MFAP3: variants seen among roughly 807,000 people sequenced by gnomAD.
MFAP3 encodes microfibril associated protein 3, also known as microfibril-associated glycoprotein 3.
MFAP3 carries 8 observed loss-of-function variants against 20.5 expected under a neutral mutation model. The observed-to-expected ratio is 0.39, with a 90% CI of 0.23 to 0.70. MFAP3 has a LOEUF of 0.70. Among genes scored for constraint, MFAP3 ranks in the 30% least tolerant of loss-of-function variants. MFAP3 has a pLI of 0.44. For missense variants in MFAP3, 398 were observed against 444.6 expected (o/e 0.90, Z 0.94); for synonymous variants, 140 against 154.0 (o/e 0.91, Z 0.67).
intron 1 of MFAP3, among the ~76,000 whole-genome samples, chr5:154,045,654 A>G (rs1039069176): frequency 1.3e-5 from 2 of 152,216 alleles, no homozygotes; most frequent in African/African-American, 4.8e-5. Flanking sequence ...AGACTTTGCA[A>G]TAATCCTGTG....
Position 154,049,692 on chromosome 5 carries a change from A to C in MFAP3, c.-31A>C. ...TAGTGTAGAAGTTTTTGAGTTCTCC[A>C]AATCTAAACAAGATTTTGTCCCATT... On this transcript the variant is annotated 5_prime_UTR_variant, in exon 2 of 3. Coordinates refer to ENST00000522782, the MANE Select transcript of MFAP3 (RefSeq NM_005927.5). The C allele has an allele frequency of 6.3e-7, 1 of 1,592,736 alleles. No individual in the cohort carries two copies. Among genetic ancestry groups the C allele is most frequent in the Non-Finnish European group, 8.6e-7 (1 of 1,167,920 alleles).
chr5:154,043,669 T>C (rs2113556370), intron 1 of MFAP3, among the ~76,000 whole-genome samples: 1 of 152,240 alleles, frequency 6.6e-6, no homozygotes, highest in East Asian at 1.9e-4. Flanking sequence ...TGGTTTTCCT[T>C]TTTGAAATCT....
chr5:154,041,938 C>G (rs752446586), intron 1 of MFAP3, among the ~76,000 whole-genome samples: 18 of 152,162 alleles, frequency 1.2e-4, no homozygotes, highest in Non-Finnish European at 2.6e-4. Context: ...GATGCAGTTA[C>G]TGTTAATATT....
intron 1 of MFAP3, among the ~76,000 whole-genome samples, chr5:154,041,294 G>A (rs968026076): frequency 6.6e-6 from 1 of 152,226 alleles, no homozygotes; most frequent in African/African-American, 2.4e-5. Context: ...AACTAGTAAG[G>A]TGAAAAGTTA....
At chr5:154,050,725 G>T (rs1405108063) in intron 2 of MFAP3, among the ~76,000 whole-genome samples, 1 of 150,416 alleles carries the variant, frequency 6.6e-6, no homozygotes, top group Non-Finnish European at 1.5e-5. Flanking sequence ...TGTGTTCAAG[G>T]TCTACTTTTT....
intron 1 of MFAP3, among the ~76,000 whole-genome samples, chr5:154,043,120 G>A (rs1434560752): frequency 6.6e-6 from 1 of 152,100 alleles, no homozygotes; most frequent in Non-Finnish European, 1.5e-5. Context: ...GTTTTCTGGG[G>A]TAAAATCATC....
At chr5:154,048,388 C>T (rs1056034623) in intron 1 of MFAP3, among the ~76,000 whole-genome samples, 1 of 152,102 alleles carries the variant, frequency 6.6e-6, no homozygotes, top group African/African-American at 2.4e-5. Flanking sequence ...AATTAAATGA[C>T]ATTTGCACCG....
Position 154,053,797 on chromosome 5 carries a change from C to A in MFAP3, c.*84C>A. On this transcript the variant is annotated 3_prime_UTR_variant, in exon 3 of 3. Transcript: ENST00000522782. ...TTTCTTAGAAGAAGTAACATTTTTG[C>A]CAAAAGATGACTGGGGTTTTCCGTT... The A allele has an allele frequency of 7.6e-7, 1 of 1,313,838 alleles. No individual in the cohort carries two copies. The highest frequency in any genetic ancestry group is 1.1e-6 in the Non-Finnish European group (1 of 952,230). 81.4% of individuals were successfully genotyped at this position (1,313,838 alleles called of 1,614,324 possible). A position where few individuals can be genotyped will look rare whatever the true frequency, so the allele number is the denominator to read the frequency against.
chr5:154,040,362 AT>A (rs1772900561), intron 1 of MFAP3, among the ~76,000 whole-genome samples: 1 of 152,228 alleles, frequency 6.6e-6, no homozygotes, highest in South Asian at 2.1e-4. Context: ...ATTGTTTTAC[AT>A]TGTTACAAAT....
At position 154,053,586 on chromosome 5, in the gene MFAP3, A is replaced by G. The variant is rs1214255188; in HGVS notation, c.962A>G (p.Gln321Arg). The G allele has an allele frequency of 6.2e-7, 1 of 1,614,012 alleles. No individual in the cohort carries two copies. Among genetic ancestry groups the G allele is most frequent in the South Asian group, 1.1e-5 (1 of 91,080 alleles). The part of the protein sequence containing the change: ...EIAVQVSVHL[Q>R]SETKSIDTES... ...GCAGTTCAGGTTTCTGTCCACCTTC[A>G]GTCAGAAACCAAAAGTATTGATACA... The change falls in exon 3 of 3, where the codon CAG becomes CGG. Residue 321 changes from glutamine to arginine, a missense_variant. Transcript: ENST00000522782.
chr5:154,053,808 C>A lies in MFAP3; in HGVS notation c.*95C>A. 1 of 1,169,088 alleles carries A rather than the reference C, an allele frequency of 8.6e-7. No individual in the cohort carries two copies. The highest frequency in any genetic ancestry group is 1.2e-6 in the Non-Finnish European group (1 of 821,988). 72.4% of individuals were successfully genotyped at this position (1,169,088 alleles called of 1,614,324 possible). On this transcript the variant is annotated 3_prime_UTR_variant, in exon 3 of 3. Transcript: ENST00000522782. ...AAGTAACATTTTTGCCAAAAGATGA[C>A]TGGGGTTTTCCGTTTGTTAATATTA...
Position 154,053,013 on chromosome 5 carries a change from T to C in MFAP3, c.389T>C (p.Ile130Thr), listed in dbSNP as rs760548299. Residue 130 changes from isoleucine (I) to threonine (T), a missense_variant, in exon 3 of 3, where the codon ATT (isoleucine) becomes ACT (threonine). By Grantham distance (89) the Ile-to-Thr change is moderately conservative. Transcript: ENST00000522782. ...TATACCTGTTTCGTCACCTCTCCAA[T>C]TCGTGCCTCCTACTCTGTCACCCTA... The part of the protein sequence containing the change: ...GLYTCFVTSP[I>T]RASYSVTLRV... 6.2e-6 allele frequency: 10 copies of C among 1,613,890 alleles called. No homozygotes were observed. Among genetic ancestry groups the C allele is most frequent in the Non-Finnish European group, 8.5e-6 (10 of 1,179,872 alleles).
At chr5:154,048,706 C>T (rs1472611958) in intron 1 of MFAP3, among the ~76,000 whole-genome samples, 1 of 152,076 alleles carries the variant, frequency 6.6e-6, no homozygotes, top group Non-Finnish European at 1.5e-5. Flanking sequence ...AGATATTTTG[C>T]TCTTCTTTTA....
At chr5:154,045,092 C>G (rs1479249800) in intron 1 of MFAP3, among the ~76,000 whole-genome samples, 3 of 152,076 alleles carry the variant, frequency 2.0e-5, no homozygotes, top group African/African-American at 7.2e-5. Flanking sequence ...TACAGCTTCT[C>G]CTTGTATGTG....
Position 154,053,167 on chromosome 5 carries a change from G to A in MFAP3, c.543G>A (p.Glu181=), listed in dbSNP as rs1773241196. 6.2e-7 allele frequency: 1 copy of A among 1,613,888 alleles called. No homozygotes were observed. Among genetic ancestry groups the A allele is most frequent in the Non-Finnish European group, 8.5e-7 (1 of 1,179,904 alleles). The change falls in exon 3 of 3, where the codon GAG becomes GAA. Residue 181 remains glutamate, a synonymous_variant. Transcript: ENST00000522782. ...TGAGCAGCCATCTTCGCAAGACTGA[G>A]AAGGCTATCAATGAGTTCTTTAGAA... ...CMMSSHLRKT[E]KAINEFFRTE...
Position 154,055,437 on chromosome 5 carries a change from G to A in MFAP3, c.*1724G>A, listed in dbSNP as rs894566185. 1.3e-5 allele frequency among the ~76,000 whole-genome samples: 2 copies of A among 152,130 alleles called. No homozygotes were observed. Reference sequence around the variant, plus strand: ...ATAATGCTGCCTTTTCTGTCTCTCAGGCTGTTTCCATGGAAACCTCTAGAG... The same window carrying A: ...ATAATGCTGCCTTTTCTGTCTCTCAAGCTGTTTCCATGGAAACCTCTAGAG... On this transcript the variant is annotated 3_prime_UTR_variant, in exon 3 of 3. Coordinates refer to ENST00000522782, the MANE Select transcript of MFAP3 (RefSeq NM_005927.5).
At chr5:154,041,687 G>T (rs1459580595) in intron 1 of MFAP3, among the ~76,000 whole-genome samples, 1 of 152,190 alleles carries the variant, frequency 6.6e-6, no homozygotes, top group Non-Finnish European at 1.5e-5. Context: ...GCTCAGATTT[G>T]TGTTTAGGAC....
At position 154,051,165 on chromosome 5, in the gene MFAP3, A is replaced by G. The variant is rs1773183335; in HGVS notation, c.295+1148A>G. ...CTATTGAATTAGAGTGATACCTGGA[A>G]TGTGTACTTTGAACATGATTTGGGG... On this transcript the variant is annotated intron_variant, in intron 2 of 2. Transcript: ENST00000522782. 2.0e-5 allele frequency among the ~76,000 whole-genome samples: 3 copies of G among 152,180 alleles called. No individual in the cohort carries two copies. In the South Asian group the frequency reaches 6.2e-4, roughly 31 times the overall value.
intron 2 of MFAP3, among the ~76,000 whole-genome samples, chr5:154,051,241 G>A (rs1053483554): frequency 3.9e-5 from 6 of 152,136 alleles, no homozygotes; most frequent in African/African-American, 1.4e-4. Context: ...TGGGCTCTAC[G>A]ATATCCTGAC....
Sources: gnomAD v4.1 joint callset for allele counts (sites outside exome capture counted in the v4.1 genomes callset) on GRCh38, gnomAD v4.1.1 for gene constraint, MANE v1.5 for transcripts, NCBI Gene and HGNC (gene_info 2026-07-23, HGNC 2026-07-21) for gene names.